AMOT: variants seen among roughly 807,000 people sequenced by gnomAD.
The protein encoded by AMOT is angiomotin.
In AMOT, 11 loss-of-function variants were observed where a neutral mutation model predicts 67.0. The observed-to-expected ratio is 0.16, with a 90% CI of 0.10 to 0.27. The LOEUF (loss-of-function observed/expected upper bound fraction) is 0.27, where lower values mean the gene tolerates loss of function less well. AMOT is among the 10% of genes least tolerant of loss of function. The pLI is 1.00. For synonymous variants in AMOT, 326 were observed against 321.4 expected (o/e 1.01, Z -0.15); for missense variants, 753 against 852.0 (o/e 0.88, Z 1.45).
At chrX:112,790,120 G>A (rs1461962770) in intron 10 of AMOT, among the ~76,000 whole-genome samples, 2 of 105,559 alleles carry the variant, frequency 1.9e-5, no homozygotes, top group Non-Finnish European at 3.9e-5. Flanking sequence ...TTCCCAAAGG[G>A]CAGGGATGGG....
intron 8 of AMOT, 126 bp from the exon 9 acceptor site, chrX:112,792,107 A>G: frequency 1.2e-6 from 1 of 802,285 alleles, no homozygotes; most frequent in Non-Finnish European, 1.8e-6. Flanking sequence ...CAGCTGCAAA[A>G]AGGAATGGAT....
chrX:112,792,121 G>A (rs1933629986), intron 8 of AMOT, 140 bp from the exon 9 acceptor site: 5 of 678,729 alleles, frequency 7.4e-6, no homozygotes, highest in Admixed American at 6.1e-5. Flanking sequence ...AATGGATGGC[G>A]AGAAGGTCCT....
chrX:112,834,942 A>G lies in AMOT; in HGVS notation c.-288-2572T>C, dbSNP rs138049281. On this transcript the variant is annotated intron_variant, in intron 1 of 13. Transcript: ENST00000371959. ...AAAACTGTTTAATTTTTTTTCCAAA[A>G]AGCCGAGAGGGCCAATAATACAAAT... Among the ~76,000 whole-genome samples the G allele has an allele frequency of 3.9e-4, 44 of 112,373 alleles. 1 individual carries two copies. Among genetic ancestry groups the G allele is most frequent in the African/African-American group, 1.4e-3 (42 of 30,927 alleles).
rs1193486323 is a variant in AMOT at position 112,815,671 on chromosome X, T to G, written c.1079A>C (p.Gln360Pro). ...PRPQQHFLPNQAHQGDHYRLS... is the reference protein window; with the variant it reads ...PRPQQHFLPNPAHQGDHYRLS... ...ACGGTAATGATCCCCCTGGTGAGCC[T>G]GATTAGGAAGGAAATGCTGCTGCGG... The change falls in exon 5 of 14, where the codon CAG (glutamine) becomes CCG (proline). Residue 360 changes from glutamine (Q) to proline (P), a missense_variant. Gln to Pro is a moderately conservative substitution (Grantham distance 76, BLOSUM62 -1). Coordinates refer to ENST00000371959, the MANE Select transcript of AMOT (RefSeq NM_001113490.2). 8.5e-7 allele frequency: 1 copy of G among 1,177,374 alleles called. No homozygotes were observed. The highest frequency in any genetic ancestry group is 2.3e-4 in the Middle Eastern group (1 of 4,321).
intron 1 of AMOT, among the ~76,000 whole-genome samples, chrX:112,833,784 G>A (rs1013181145): frequency 8.9e-6 from 1 of 111,986 alleles, no homozygotes; most frequent in Non-Finnish European, 1.9e-5. Context: ...ACTCTGAACT[G>A]AAAATCTAAA....
chrX:112,777,396 G>C lies in AMOT; in HGVS notation c.*1171C>G, dbSNP rs1932966849. The C allele has an allele frequency of 8.9e-6, 1 of 111,999 alleles. No homozygotes were observed. The highest frequency in any genetic ancestry group is 1.9e-5 in the Non-Finnish European group (1 of 53,224). 9.2% of individuals were successfully genotyped at this position (111,999 alleles called of 1,213,427 possible). A position where few individuals can be genotyped will look rare whatever the true frequency, so the allele number is the denominator to read the frequency against. The stretch of plus-strand genomic sequence containing the variant: ...AAGATGGTGTCACTGACAGTGAGAA[G>C]AGGTAGTTGAGGATACTGCTGCAAT... On this transcript the variant is annotated 3_prime_UTR_variant, in exon 14 of 14. Transcript: ENST00000371959.
intron 2 of AMOT, among the ~76,000 whole-genome samples, chrX:112,825,743 T>C (rs1345553082): frequency 4.5e-5 from 5 of 110,088 alleles, no homozygotes; most frequent in African/African-American, 1.7e-4. Flanking sequence ...AACCTTCTTT[T>C]CAACCAAGTC....
At chrX:112,802,314 C>A (rs1162633823) in intron 8 of AMOT, among the ~76,000 whole-genome samples, 1 of 112,342 alleles carries the variant, frequency 8.9e-6, no homozygotes, top group African/African-American at 3.2e-5. Flanking sequence ...TTTCCTATAT[C>A]TGAGGATAAG....
intron 8 of AMOT, 103 bp downstream of exon 8, chrX:112,804,844 T>G: frequency 9.1e-7 from 1 of 1,098,553 alleles, no homozygotes; most frequent in Non-Finnish European, 1.2e-6. Flanking sequence ...ACCTCCCTTC[T>G]GGGGATTATG....
rs17270103 is a variant in AMOT at position 112,783,434 on chromosome X, C to A, written c.2118-772G>T. 2.5e-3 allele frequency among the ~76,000 whole-genome samples: 283 copies of A among 111,165 alleles called. 3 individuals carry two copies. In the East Asian group the frequency reaches 0.053, roughly 21 times the overall value. ...CTACAGATGAACATTGGTAAATACA[C>A]CTGAGTACTAGAAGCAAACAACAGA... is the stretch of plus-strand genomic sequence containing the variant. On this transcript the variant is annotated intron_variant, in intron 10 of 13. Transcript: ENST00000371959.
chrX:112,810,713 GAAAAA>G (rs5903400), intron 6 of AMOT, among the ~76,000 whole-genome samples: 36 of 79,755 alleles, frequency 4.5e-4, no homozygotes, highest in Admixed American at 6.8e-4. Context: ...CCAACTCAAA[GAAAAA>G]AAAAAGAAAA....
chrX:112,838,297 G>GA (rs757386812), intron 1 of AMOT, among the ~76,000 whole-genome samples: 1 of 111,656 alleles, frequency 9.0e-6, no homozygotes, highest in African/African-American at 3.3e-5. Flanking sequence ...TCTCCAAATG[G>GA]AAAAAAAGGC....
At chrX:112,809,188 C>T in intron 7 of AMOT, among the ~76,000 whole-genome samples, 1 of 112,085 alleles carries the variant, frequency 8.9e-6, no homozygotes, top group Middle Eastern at 4.6e-3. Context: ...CTAATTCTCC[C>T]TGTGGACTCA....
At chrX:112,827,168 T>A (rs887074265) in intron 2 of AMOT, among the ~76,000 whole-genome samples, 2 of 112,763 alleles carry the variant, frequency 1.8e-5, no homozygotes, top group East Asian at 5.6e-4. Flanking sequence ...CTCCATATCC[T>A]TTTCAAAACC....
intron 8 of AMOT, among the ~76,000 whole-genome samples, chrX:112,792,616 G>A (rs140687632): frequency 8.9e-6 from 1 of 111,808 alleles, no homozygotes; most frequent in East Asian, 2.8e-4. Context: ...AAGGCGTCAC[G>A]TGATGGGTCA....
chrX:112,815,500 G>A lies in AMOT; in HGVS notation c.1250C>T (p.Ser417Phe). ...YSAMPRAQPS[S>F]ASYQPVPADP... The stretch of plus-strand genomic sequence containing the variant: ...TGCTGGCACTGGCTGATAAGAAGCA[G>A]AGGATGGCTGAGCCCGAGGCATAGC... Residue 417 changes from serine (S) to phenylalanine (F), a missense_variant, in exon 5 of 14, where the codon TCT becomes TTT. Coordinates refer to ENST00000371959, the MANE Select transcript of AMOT (RefSeq NM_001113490.2). The A allele has an allele frequency of 8.3e-7, 1 of 1,211,592 alleles. No homozygotes were observed. The highest frequency in any genetic ancestry group is 1.1e-6 in the Non-Finnish European group (1 of 895,564).
intron 10 of AMOT, 125 bp from the exon 11 acceptor site, chrX:112,782,787 A>G (rs1222909682): frequency 2.2e-6 from 2 of 913,358 alleles, no homozygotes; most frequent in Non-Finnish European, 3.0e-6. Context: ...TTTGGAACAG[A>G]TGGTTTCTGG....
Position 112,822,754 on chromosome X carries a change from C to T in AMOT, c.373G>A (p.Ala125Thr). 8.6e-7 allele frequency: 1 copy of T among 1,167,252 alleles called. No homozygotes were observed. Residue 125 changes from alanine (A) to threonine (T), a missense_variant, in exon 4 of 14, where the codon GCC (alanine) becomes ACC (threonine). Physicochemically the swap from Ala to Thr is moderately conservative, Grantham distance 58 (BLOSUM62 0). This residue lies in a region of AMOT where 118 missense variants were observed against 125.9 expected (regional missense o/e 0.94). Transcript: ENST00000371959. ...ACATAGAAGGCAGCTCCAACACTGG[C>T]ATGCTGTTGGCCCCGAAAGTACTGG... is the stretch of plus-strand genomic sequence containing the variant. Reference protein sequence around the residue: ...QSQYFRGQQHASVGAAFYVTG... With the variant: ...QSQYFRGQQHTSVGAAFYVTG...
In AMOT at chrX:112,777,187, TTAA is replaced by T. The variant is rs750057763; in HGVS notation, c.*1377_*1379del. The T allele has an allele frequency of 1.2e-3, 132 of 109,511 alleles. No homozygotes were observed. Among genetic ancestry groups the T allele is most frequent in the African/African-American group, 4.3e-3 (129 of 30,016 alleles). 9.0% of individuals were successfully genotyped at this position (109,511 alleles called of 1,213,427 possible). A position where few individuals can be genotyped will look rare whatever the true frequency, so the allele number is the denominator to read the frequency against. On this transcript the variant is annotated 3_prime_UTR_variant, in exon 14 of 14. Coordinates refer to ENST00000371959, the MANE Select transcript of AMOT (RefSeq NM_001113490.2). The stretch of plus-strand genomic sequence containing the variant: ...CTCCCTATACCCCTTAAAACTGATC[TTAA>T]TGATGCTATCTGCAGATTTCTCACC...
Sources: gnomAD v4.1 joint callset for allele counts (sites outside exome capture counted in the v4.1 genomes callset) on GRCh38, gnomAD v4.1.1 for gene constraint, gnomAD v4.1.1 regional missense constraint, MANE v1.5 for transcripts, NCBI Gene and HGNC (gene_info 2026-07-23, HGNC 2026-07-21) for gene names.